The following MUC5B variants were observed in gnomAD, a reference collection of about 807,000 sequenced individuals.
MUC5B encodes the protein mucin 5B, oligomeric mucus/gel-forming.
In MUC5B, 116 loss-of-function variants were observed where a neutral mutation model predicts 376.9. The observed-to-expected ratio is 0.31, with a 90% confidence interval of 0.26 to 0.36. The LOEUF is 0.36. Among genes scored for constraint, MUC5B ranks in the 10% least tolerant of loss-of-function variants. The pLI, the probability that MUC5B is intolerant of heterozygous loss-of-function variation, is 1.00. For synonymous variants in MUC5B, 3,517 were observed against 3,390.9 expected (o/e 1.04, Z -1.29); for missense variants, 7,165 against 7,769.9 (o/e 0.92, Z 2.93).
intron 6 of MUC5B, 87 bp downstream of exon 6, chr11:1,227,485 G>C: frequency 9.3e-7 from 1 of 1,073,340 alleles, no homozygotes; most frequent in Non-Finnish European, 1.4e-6. Context: ...AGGGGGCGGA[G>C]TGGGGACCGG....
chr11:1,228,392 G>A, intron 7 of MUC5B, 172 bp from the exon 8 acceptor site: 2 of 617,210 alleles, frequency 3.2e-6, no homozygotes, highest in Non-Finnish European at 5.4e-6. Context: ...CACTCCCCAA[G>A]GGCCAAGCAG....
rs1460823563 is a variant in MUC5B at position 1,247,914 on chromosome 11, C to A, written c.11034C>A (p.Ser3678Arg). The A allele has an allele frequency of 1.2e-6, 2 of 1,611,830 alleles. No individual in the cohort carries two copies. The highest frequency in any genetic ancestry group is 1.7e-6 in the Non-Finnish European group (2 of 1,178,994). ...YGHCPSTPAT[S>R]STATPSSTPG... ...ACTGCCCCAGCACCCCGGCCACCAG[C>A]TCTACGGCCACGCCCTCCTCAACTC... Residue 3678 changes from serine to arginine, a missense_variant, in exon 31 of 49, where the codon AGC becomes AGA. This residue lies in a region of MUC5B where 90 missense variants were observed against 71.1 expected (regional missense o/e 1.27). Transcript: ENST00000529681.
chr11:1,246,705 C>T lies in MUC5B; in HGVS notation c.9825C>T (p.His3275=), dbSNP rs1336751816. Residue 3275 remains histidine, a synonymous_variant, in exon 31 of 49, where the codon CAC becomes CAT. Coordinates refer to ENST00000529681, the MANE Select transcript of MUC5B (RefSeq NM_002458.3). ...CCTCCTCTACTCCAGAGACTGTCCA[C>T]ACCTCCACAGTGCTTACCACCACGA... ...ATPSSTPETV[H]TSTVLTTTTT... 6 of 1,610,290 alleles carry T rather than the reference C, an allele frequency of 3.7e-6. No homozygotes were observed. The highest frequency in any genetic ancestry group is 5.1e-6 in the Non-Finnish European group (6 of 1,177,528).
chr11:1,232,324 A>G, intron 15 of MUC5B, 126 bp from the exon 16 acceptor site: 4 of 1,353,128 alleles, frequency 3.0e-6, no homozygotes, highest in Non-Finnish European at 4.1e-6. Flanking sequence ...AGAACCCCCC[A>G]AGGCGCAGCA....
chr11:1,256,249 C>T, intron 38 of MUC5B, 24 bp downstream of exon 38: 3 of 718,900 alleles, frequency 4.2e-6, no homozygotes, highest in South Asian at 3.0e-5. Flanking sequence ...TGGCTGGTGC[C>T]TTCCCTGCCA....
rs1862627321 is a variant in MUC5B, at chr11:1,250,056, C to T, written c.13176C>T (p.Leu4392=). The change falls in exon 31 of 49, where the codon CTC becomes CTT. Residue 4392 remains leucine (L), a synonymous_variant. Coordinates refer to ENST00000529681, the MANE Select transcript of MUC5B (RefSeq NM_002458.3). ...PSSTPGTTWI[L]TELTTAATTT... is the part of the protein sequence containing the mutation. ...CCACTCCGGGGACGACCTGGATCCT[C>T]ACAGAGCTGACCACAGCAGCCACTA... 1.9e-6 allele frequency: 3 copies of T among 1,595,482 alleles called. No homozygotes were observed. Among genetic ancestry groups the T allele is most frequent in the Admixed American group, 1.7e-5 (1 of 58,482 alleles).
In MUC5B at chr11:1,255,269, G is replaced by A. The variant is rs1259728607; in HGVS notation, c.15890+3G>A. 8.6e-6 allele frequency: 13 copies of A among 1,515,918 alleles called. 1 individual carries two copies. The Admixed American group carries it at 1.8e-4, about 21-fold the overall frequency. 93.9% of individuals were successfully genotyped at this position (1,515,918 alleles called of 1,614,324 possible). A position where few individuals can be genotyped will look rare whatever the true frequency, so the allele number is the denominator to read the frequency against. ...CTCTGTGATCTGATGCTGAGCCAGT[G>A]AGTCCTCCCCTCGGGGGTTGCAGGC... is the stretch of plus-strand genomic sequence containing the variant. On this transcript the variant is annotated splice_donor_region_variant and intron_variant, in intron 36 of 48. Coordinates refer to ENST00000529681, the MANE Select transcript of MUC5B (RefSeq NM_002458.3).
In MUC5B at chr11:1,250,609, TCTGTGG is replaced by T. The variant is rs1862652413; in HGVS notation, c.13731_13736del (p.Val4578_Ala4579del). 6.2e-7 allele frequency: 1 copy of T among 1,612,718 alleles called. No homozygotes were observed. The highest frequency in any genetic ancestry group is 1.3e-5 in the African/African-American group (1 of 74,404). ...GGCCACCACAACCGGGGCCACCGGC[TCTGTGG>T]CCACCCCCTCCTCCACCCCAGGAAC... On this transcript the variant is annotated inframe_deletion, in exon 31 of 49. Coordinates refer to ENST00000529681, the MANE Select transcript of MUC5B (RefSeq NM_002458.3).
chr11:1,234,078 G>T lies in MUC5B; in HGVS notation c.2378-127G>T. On this transcript the variant is annotated intron_variant, in intron 19 of 48. Transcript: ENST00000529681. This position sits in a 1 kb window ranked among gnomAD's most constrained non-coding sequence, Gnocchi z 6.3. ...GGTGTCCTGGGGTTGGGGGCTGCAG[G>T]TGTCATGGAAGCTTTGGCTCGGGGG... 3 of 853,730 alleles carry T rather than the reference G, an allele frequency of 3.5e-6. 1 individual carries two copies. The South Asian group carries it at 4.8e-5, about 14-fold the overall frequency. 52.9% of individuals were successfully genotyped at this position (853,730 alleles called of 1,614,324 possible). A position where few individuals can be genotyped will look rare whatever the true frequency, so the allele number is the denominator to read the frequency against.
In MUC5B at chr11:1,248,413, A is replaced by T; in HGVS notation, c.11533A>T (p.Arg3845Trp). The change falls in exon 31 of 49, where the codon AGG becomes TGG. Residue 3845 changes from arginine (R) to tryptophan (W), a missense_variant. Arg to Trp is a moderately radical substitution (Grantham distance 101). Around this residue, in one of 31 missense-constraint regions of MUC5B, gnomAD observed 242 missense variants for 199.0 expected, o/e 1.22. Transcript: ENST00000529681. ...TVLTTTATTT[R>W]ATGSVATPSS... ...GCTTACCACCACGGCCACCACAACC[A>T]GGGCCACCGGCTCTGTGGCCACCCC... 2 of 1,591,642 alleles carry T rather than the reference A, an allele frequency of 1.3e-6. No homozygotes were observed. The highest frequency in any genetic ancestry group is 8.6e-7 in the Non-Finnish European group (1 of 1,163,926).
In MUC5B at chr11:1,242,329, G is replaced by C; in HGVS notation, c.5449G>C (p.Ala1817Pro). ...GGAAACTTTTGAAAACATCAGGGCTGCTGGGGGCAAGATGTGCTGGGCACC... is the reference window on the plus strand; with the variant it reads ...GGAAACTTTTGAAAACATCAGGGCTCCTGGGGGCAAGATGTGCTGGGCACC... Reference protein sequence around the residue: ...DMETFENIRAAGGKMCWAPKS... With the variant: ...DMETFENIRAPGGKMCWAPKS... Residue 1817 changes from alanine to proline, a missense_variant, in exon 31 of 49, where the codon GCT (alanine) becomes CCT (proline). Physicochemically the swap from Ala to Pro is conservative, Grantham distance 27 (BLOSUM62 -1). This residue lies in a region of MUC5B where 897 missense variants were observed against 779.6 expected (regional missense o/e 1.15). Coordinates refer to ENST00000529681, the MANE Select transcript of MUC5B (RefSeq NM_002458.3). 6.2e-7 allele frequency: 1 copy of C among 1,613,910 alleles called. No homozygotes were observed. The highest frequency in any genetic ancestry group is 8.5e-7 in the Non-Finnish European group (1 of 1,179,860).
rs1044041703 is a variant in MUC5B at position 1,262,103 on chromosome 11, G to T, written c.*495G>T. On this transcript the variant is annotated 3_prime_UTR_variant, in exon 49 of 49. Coordinates refer to ENST00000529681, the MANE Select transcript of MUC5B (RefSeq NM_002458.3). The stretch of plus-strand genomic sequence containing the variant: ...AGGTCGCAACGGCCAGGTCAGAGAG[G>T]GGTCAGCATCCCAAAGCCCCCTCTG... 1.3e-5 allele frequency: 7 copies of T among 522,188 alleles called. No homozygotes were observed. Among genetic ancestry groups the T allele is most frequent in the African/African-American group, 1.2e-4 (6 of 51,886 alleles). The allele number at this position is 522,188 out of a possible 1,614,324, so 32.3% of individuals were successfully genotyped here. A position where few individuals can be genotyped will look rare whatever the true frequency, so the allele number is the denominator to read the frequency against.
In MUC5B at chr11:1,241,798, A is replaced by T; in HGVS notation, c.4918A>T (p.Thr1640Ser). The T allele has an allele frequency of 6.2e-7, 1 of 1,612,436 alleles. No homozygotes were observed. Among genetic ancestry groups the T allele is most frequent in the Non-Finnish European group, 8.5e-7 (1 of 1,179,268 alleles). Residue 1640 changes from threonine (T) to serine (S), a missense_variant, in exon 31 of 49, where the codon ACC (threonine) becomes TCC (serine). Around this residue, in one of 31 missense-constraint regions of MUC5B, gnomAD observed 897 missense variants for 779.6 expected, o/e 1.15. Coordinates refer to ENST00000529681, the MANE Select transcript of MUC5B (RefSeq NM_002458.3). ...GCAGCCTACGAGTAGCCCGGGGCTGACCAGGGCTCCCCCGGCCAGCACCAC... is the reference window on the plus strand; with the variant it reads ...GCAGCCTACGAGTAGCCCGGGGCTGTCCAGGGCTCCCCCGGCCAGCACCAC... ...TPQPTSSPGL[T>S]RAPPASTTAV...
chr11:1,240,253 C>A lies in MUC5B; in HGVS notation c.3848C>A (p.Ala1283Asp). The change falls in exon 30 of 49, where the codon GCC becomes GAC. Residue 1283 changes from alanine to aspartate, a missense_variant. Coordinates refer to ENST00000529681, the MANE Select transcript of MUC5B (RefSeq NM_002458.3). ...VIYNTTDGLG[A>D]CLIAICGSNG... ...TACAACACCACCGATGGGCTTGGCG[C>A]CTGCTTGATCGCCATCTGCGGAAGC... The A allele has an allele frequency of 6.2e-7, 1 of 1,613,682 alleles. No homozygotes were observed. The highest frequency in any genetic ancestry group is 8.5e-7 in the Non-Finnish European group (1 of 1,179,694).
In MUC5B at chr11:1,225,619, T is replaced by C. The variant is rs529557726; in HGVS notation, c.71-62T>C. ...ACCAGGGATGTGGCCAGGTCCGTGG[T>C]TGGGTTCGTGGCTGGCAGCCACATC... On this transcript the variant is annotated intron_variant, in intron 1 of 48. Coordinates refer to ENST00000529681, the MANE Select transcript of MUC5B (RefSeq NM_002458.3). 4.2e-4 allele frequency: 618 copies of C among 1,464,588 alleles called. 2 individuals carry two copies. The highest frequency in any genetic ancestry group is 4.1e-5 in the Non-Finnish European group (44 of 1,071,960). The allele number at this position is 1,464,588 out of a possible 1,614,324, so 90.7% of individuals were successfully genotyped here.
In MUC5B at chr11:1,255,246, C is replaced by T; in HGVS notation, c.15870C>T (p.Leu5290=). The change falls in exon 36 of 49, where the codon CTC becomes CTT. Residue 5290 remains leucine (L), a synonymous_variant. Coordinates refer to ENST00000529681, the MANE Select transcript of MUC5B (RefSeq NM_002458.3). ...CCACCCCATGCCCACCACAGCCGCT[C>T]TGTGATCTGATGCTGAGCCAGTGAG... ...PTPTPCPPQP[L]CDLMLSQVFA... 6.5e-7 allele frequency: 1 copy of T among 1,527,538 alleles called. No homozygotes were observed. The highest frequency in any genetic ancestry group is 8.8e-7 in the Non-Finnish European group (1 of 1,132,120). 94.6% of individuals were successfully genotyped at this position (1,527,538 alleles called of 1,614,324 possible).
In MUC5B at chr11:1,247,356, C is replaced by T. The variant is rs1360138909; in HGVS notation, c.10476C>T (p.Ser3492=). 7 of 1,610,860 alleles carry T rather than the reference C, an allele frequency of 4.3e-6. No individual in the cohort carries two copies. The highest frequency in any genetic ancestry group is 4.0e-5 in the African/African-American group (3 of 74,674). Residue 3492 remains serine, a synonymous_variant, in exon 31 of 49, where the codon TCC becomes TCT. Coordinates refer to ENST00000529681, the MANE Select transcript of MUC5B (RefSeq NM_002458.3). ...TCACAGAGCCTTCCACGGTGACTTC[C>T]CACACCCCAGCAGCAACCACCAGTA... The part of the protein sequence containing the change: ...THITEPSTVT[S]HTPAATTSTT...
rs1590194189 is a variant in MUC5B at position 1,260,049 on chromosome 11, A to G, written c.16887A>G (p.Pro5629=). ...AGGGTGGAGTCCATTTGCTGACCCCACAGCCTGCATCCTGCCCAGATGTGT... is the reference window on the plus strand; with the variant it reads ...AGGGTGGAGTCCATTTGCTGACCCCGCAGCCTGCATCCTGCCCAGATGTGT... ...EAEGGVHLLT[P]QPASCPDVSS... The change falls in exon 46 of 49, where the codon CCA becomes CCG. Residue 5629 remains proline (P), a synonymous_variant. Coordinates refer to ENST00000529681, the MANE Select transcript of MUC5B (RefSeq NM_002458.3). 2.5e-6 allele frequency: 4 copies of G among 1,612,552 alleles called. No homozygotes were observed. Among genetic ancestry groups the G allele is most frequent in the Non-Finnish European group, 8.5e-7 (1 of 1,179,760 alleles).
At chr11:1,237,786 T>C (rs10835085) in intron 25 of MUC5B, among the ~76,000 whole-genome samples, 44,814 of 152,128 alleles carry the variant, frequency 0.29, 7,033 homozygotes, top group East Asian at 0.6. Context: ...GGAGAATCAC[T>C]TGAACCTGGG....
Sources: allele counts gnomAD v4.1 joint callset (sites outside exome capture counted in the v4.1 genomes callset), GRCh38; gene constraint gnomAD v4.1.1; regional missense constraint gnomAD v4.1.1; non-coding constraint Gnocchi (gnomAD v3.1); transcripts MANE v1.5; gene names NCBI Gene and HGNC (gene_info 2026-07-23, HGNC 2026-07-21).